DCC: variants seen among roughly 807,000 people sequenced by gnomAD.
DCC encodes netrin receptor DCC.
A neutral mutation model predicts 172.5 loss-of-function variants in DCC; 58 were observed. The observed-to-expected ratio is 0.34, with a 90% CI of 0.27 to 0.42. The LOEUF (loss-of-function observed/expected upper bound fraction) is 0.42, where lower values mean the gene tolerates loss of function less well. DCC is among the 10% of genes least tolerant of loss of function. DCC has a pLI of 1.00. For missense variants in DCC, 1,740 were observed against 1,791.0 expected (o/e 0.97, Z 0.51); for synonymous variants, 709 against 644.5 (o/e 1.10, Z -1.52).
intron 8 of DCC, among the ~76,000 whole-genome samples, chr18:53,157,924 T>A (rs2054769629): frequency 6.6e-6 from 1 of 152,156 alleles, no homozygotes; most frequent in Admixed American, 6.5e-5. Context: ...TTTTCCTCTT[T>A]AATAAGGAGA....
chr18:53,111,415 TA>T (rs1197015944), intron 7 of DCC, among the ~76,000 whole-genome samples: 1 of 95,902 alleles, frequency 1.0e-5, no homozygotes, highest in Admixed American at 9.3e-5. Context: ...TAAAATAAAA[TA>T]AAAAAAGACA....
chr18:53,103,927 G>A (rs2043208958), intron 7 of DCC, among the ~76,000 whole-genome samples: 1 of 151,984 alleles, frequency 6.6e-6, no homozygotes, highest in African/African-American at 2.4e-5. Context: ...CTAGGGAGAG[G>A]TGAGTGAGGC....
intron 12 of DCC, among the ~76,000 whole-genome samples, chr18:53,258,165 C>A (rs1239078220): frequency 1.3e-5 from 2 of 152,064 alleles, no homozygotes; most frequent in Non-Finnish European, 2.9e-5. Flanking sequence ...AAAACCAGCT[C>A]CTGGAATCAT....
At chr18:53,043,715 T>C (rs1053243757) in intron 5 of DCC, among the ~76,000 whole-genome samples, 3 of 151,960 alleles carry the variant, frequency 2.0e-5, no homozygotes, top group African/African-American at 7.2e-5. Context: ...CATCACTGAA[T>C]GGCAAAGTTG....
At chr18:52,659,613 A>G (rs891382232) in intron 1 of DCC, among the ~76,000 whole-genome samples, 2 of 152,238 alleles carry the variant, frequency 1.3e-5, no homozygotes, top group African/African-American at 4.8e-5. Flanking sequence ...GAACATGTGC[A>G]GATGCCCTGA....
At chr18:52,645,653 A>T (rs1490839922) in intron 1 of DCC, among the ~76,000 whole-genome samples, 1 of 152,190 alleles carries the variant, frequency 6.6e-6, no homozygotes, top group Non-Finnish European at 1.5e-5. Flanking sequence ...TAAAAACAAA[A>T]GCTCGTTGGT....
chr18:52,817,416 T>C (rs2038320491), intron 2 of DCC, among the ~76,000 whole-genome samples: 1 of 152,154 alleles, frequency 6.6e-6, no homozygotes, highest in Admixed American at 6.5e-5. Flanking sequence ...GTAGTCATCT[T>C]TATAGAAAAT....
intron 2 of DCC, among the ~76,000 whole-genome samples, chr18:52,880,494 A>G (rs1316716580): frequency 6.6e-6 from 1 of 151,882 alleles, no homozygotes; most frequent in East Asian, 1.9e-4. Context: ...AACCATCCCC[A>G]CTTCCCCCTG....
chr18:52,343,616 C>T (rs1216888535), intron 1 of DCC, among the ~76,000 whole-genome samples: 1 of 152,164 alleles, frequency 6.6e-6, no homozygotes, highest in African/African-American at 2.4e-5. Context: ...GCACAGGAAC[C>T]TTATAGAGTC....
At chr18:52,499,701 C>A (rs890090656) in intron 1 of DCC, among the ~76,000 whole-genome samples, 1 of 151,990 alleles carries the variant, frequency 6.6e-6, no homozygotes, top group African/African-American at 2.4e-5. Context: ...GAGTTGATTC[C>A]CTAGAGAGCC....
intron 3 of DCC, among the ~76,000 whole-genome samples, chr18:52,913,063 C>T (rs1251868647): frequency 5.3e-5 from 8 of 152,022 alleles, no homozygotes; most frequent in Non-Finnish European, 1.0e-4. Flanking sequence ...CAACTAAGTT[C>T]CACGTCATTC....
At chr18:53,389,760 A>C (rs977855275) in intron 16 of DCC, among the ~76,000 whole-genome samples, 2 of 152,216 alleles carry the variant, frequency 1.3e-5, no homozygotes, top group African/African-American at 4.8e-5. Flanking sequence ...GACTCCAAGA[A>C]ACTCAGTAAG....
chr18:52,412,475 C>A (rs1159335667), intron 1 of DCC, among the ~76,000 whole-genome samples: 1 of 151,970 alleles, frequency 6.6e-6, no homozygotes, highest in Non-Finnish European at 1.5e-5. Flanking sequence ...CATATACACA[C>A]ATATATACAT....
chr18:52,824,672 T>C (rs2038475122), intron 2 of DCC, among the ~76,000 whole-genome samples: 1 of 152,156 alleles, frequency 6.6e-6, no homozygotes, highest in South Asian at 2.1e-4. Context: ...CAGTGGAAGA[T>C]TAAAAATATT....
In DCC at chr18:53,086,250, T is replaced by TTTC. The variant is rs374453969; in HGVS notation, c.1261+20106_1261+20108dup. 8.7e-4 allele frequency among the ~76,000 whole-genome samples: 44 copies of TTTC among 50,692 alleles called. 8 individuals carry two copies. The highest frequency in any genetic ancestry group is 3.3e-3 in the Admixed American group (23 of 6,868). 33.3% of individuals were successfully genotyped at this position (50,692 alleles called of 152,430 possible). ...CTTCCGTTCTTCTTCTTCTTCTTCC[T>TTTC]TTCTTCTTCTTCTTCTTCTTCTTCC... On this transcript the variant is annotated intron_variant, in intron 7 of 28. Transcript: ENST00000442544.
rs117914556 is a variant in DCC at position 53,159,093 on chromosome 18, C to G, written c.1418+1581C>G. On this transcript the variant is annotated intron_variant, in intron 8 of 28. Coordinates refer to ENST00000442544, the MANE Select transcript of DCC (RefSeq NM_005215.4). Reference sequence around the variant, plus strand: ...AAACAGGCGTTCGTTTTAGTGTTATCTCTGTAACTATTTGTGATCTTACGA... The same window carrying G: ...AAACAGGCGTTCGTTTTAGTGTTATGTCTGTAACTATTTGTGATCTTACGA... 1.9e-3 allele frequency among the ~76,000 whole-genome samples: 289 copies of G among 151,154 alleles called. 3 individuals carry two copies. The East Asian group carries it at 0.046, about 24-fold the overall frequency.
rs1293138635 is a variant in DCC at position 53,529,036 on chromosome 18, T to TCACACA, written c.4255-1527_4255-1526insACACAC. 2.9e-3 allele frequency among the ~76,000 whole-genome samples: 135 copies of TCACACA among 46,802 alleles called. 1 individual carries two copies. Among genetic ancestry groups the TCACACA allele is most frequent in the East Asian group, 0.029 (17 of 590 alleles). The allele number at this position is 46,802 out of a possible 152,430, so 30.7% of individuals were successfully genotyped here. On this transcript the variant is annotated intron_variant, in intron 28 of 28. Transcript: ENST00000442544. Reference sequence around the variant, plus strand: ...CTCTCTCTCTCTCTCTCTCTCTCTCTCTCACACACACACACACACACACAC... The same window carrying TCACACA: ...CTCTCTCTCTCTCTCTCTCTCTCTCTCACACACTCACACACACACACACACACACAC...
At chr18:52,630,176 T>A (rs2034648897) in intron 1 of DCC, among the ~76,000 whole-genome samples, 1 of 152,066 alleles carries the variant, frequency 6.6e-6, no homozygotes. Flanking sequence ...AACATTCCTA[T>A]CCAAATATAC....
chr18:52,949,824 C>T (rs1051022908), intron 5 of DCC, among the ~76,000 whole-genome samples: 2 of 152,208 alleles, frequency 1.3e-5, no homozygotes, highest in Admixed American at 1.3e-4. Context: ...GGTTTGGGCA[C>T]ATGTAAATAT....
Sources: allele counts gnomAD v4.1 joint callset (sites outside exome capture counted in the v4.1 genomes callset), GRCh38; gene constraint gnomAD v4.1.1; transcripts MANE v1.5; gene names NCBI Gene and HGNC (gene_info 2026-07-23, HGNC 2026-07-21).